Variants in UBE2E2 observed in about 807,000 individuals in gnomAD.
The protein encoded by UBE2E2 is ubiquitin-conjugating enzyme E2 E2.
In UBE2E2, 6 loss-of-function variants were observed where a neutral mutation model predicts 24.7. The observed-to-expected ratio is 0.24, with a 90% confidence interval of 0.13 to 0.48. The LOEUF (loss-of-function observed/expected upper bound fraction) is 0.48, where lower values mean the gene tolerates loss of function less well. Among genes scored for constraint, UBE2E2 ranks in the 20% least tolerant of loss-of-function variants. The pLI is 0.99. For missense variants in UBE2E2, 169 were observed against 245.0 expected (o/e 0.69, Z 2.07); for synonymous variants, 104 against 83.6 (o/e 1.24, Z -1.33).
At chr3:23,266,511 G>T (rs1575517244) in intron 3 of UBE2E2, among the ~76,000 whole-genome samples, 1 of 152,152 alleles carries the variant, frequency 6.6e-6, no homozygotes, top group Admixed American at 6.5e-5. Flanking sequence ...CGAGAGATCA[G>T]CTGTTAGTCT....
chr3:23,476,314 G>A (rs973864261), intron 3 of UBE2E2, among the ~76,000 whole-genome samples: 8 of 152,050 alleles, frequency 5.3e-5, no homozygotes, highest in African/African-American at 1.9e-4. Flanking sequence ...TGTGGGCATA[G>A]GACATTGAAT....
At chr3:23,365,987 A>T (rs529453248) in intron 3 of UBE2E2, among the ~76,000 whole-genome samples, 1 of 152,258 alleles carries the variant, frequency 6.6e-6, no homozygotes, top group East Asian at 1.9e-4. Flanking sequence ...ATCTTTGACA[A>T]AGTCGACAAA....
intron 3 of UBE2E2, among the ~76,000 whole-genome samples, chr3:23,257,974 G>C (rs954813463): frequency 6.6e-6 from 1 of 151,896 alleles, no homozygotes; most frequent in Non-Finnish European, 1.5e-5. Context: ...CCTAGGAGAG[G>C]TGATTATTGG....
chr3:23,391,554 G>C lies in UBE2E2; in HGVS notation c.228-108054G>C, dbSNP rs533089239. Among the ~76,000 whole-genome samples the C allele has an allele frequency of 6.4e-4, 98 of 152,126 alleles. 3 individuals are homozygous for C. In the South Asian group the frequency reaches 0.02, roughly 31 times the overall value. On this transcript the variant is annotated intron_variant, in intron 3 of 5. Transcript: ENST00000396703. ...GAAGTGTTTGCACTATTATGCATTT[G>C]GATTTTTAGTTGACTCATTAAAATA...
intron 2 of UBE2E2, among the ~76,000 whole-genome samples, chr3:23,212,166 G>T (rs11712500): frequency 0.16 from 24,035 of 152,080 alleles, 2,006 homozygotes; most frequent in South Asian, 0.23. Flanking sequence ...TAGAATAGTG[G>T]TATATAATAC....
intron 3 of UBE2E2, among the ~76,000 whole-genome samples, chr3:23,230,116 A>G (rs999173162): frequency 2.0e-5 from 3 of 152,180 alleles, no homozygotes; most frequent in African/African-American, 4.8e-5. Context: ...ATTATATTCT[A>G]AGGACTCTTA....
At chr3:23,476,574 G>A (rs749811469) in intron 3 of UBE2E2, among the ~76,000 whole-genome samples, 11 of 152,000 alleles carry the variant, frequency 7.2e-5, no homozygotes, top group Non-Finnish European at 1.6e-4. Context: ...ATGTGCCTGC[G>A]GTCCCAGCTA....
chr3:23,305,754 G>A (rs974777256), intron 3 of UBE2E2, among the ~76,000 whole-genome samples: 1 of 151,888 alleles, frequency 6.6e-6, no homozygotes, highest in African/African-American at 2.4e-5. Flanking sequence ...TTTACAGACA[G>A]GCTCTCACTC....
intron 3 of UBE2E2, among the ~76,000 whole-genome samples, chr3:23,436,412 TAGTCCTGCGTTCTTC>T (rs2125404683): frequency 6.6e-6 from 1 of 152,314 alleles, no homozygotes; most frequent in Non-Finnish European, 1.5e-5. Flanking sequence ...GGGCATTTCT[TAGTCCTGCGTTCTTC>T]AGAATTCGTA....
At chr3:23,240,872 T>G (rs1254084983) in intron 3 of UBE2E2, among the ~76,000 whole-genome samples, 2 of 152,226 alleles carry the variant, frequency 1.3e-5, no homozygotes, top group Non-Finnish European at 2.9e-5. Context: ...ATGTGCTAAA[T>G]GAAGGTTAAT....
chr3:23,334,570 G>A lies in UBE2E2; in HGVS notation c.227+117258G>A, dbSNP rs889773521. 5.9e-5 allele frequency among the ~76,000 whole-genome samples: 9 copies of A among 152,104 alleles called. No homozygotes were observed. The South Asian group carries it at 6.2e-4, about 11-fold the overall frequency. On this transcript the variant is annotated intron_variant, in intron 3 of 5. Transcript: ENST00000396703. ...GTGAAGAAATTATAACTATAATTTC[G>A]AAGTTTATTTTAAATAATCTAGAAT...
chr3:23,440,888 A>G (rs1222876822), intron 3 of UBE2E2, among the ~76,000 whole-genome samples: 1 of 152,070 alleles, frequency 6.6e-6, no homozygotes, highest in Non-Finnish European at 1.5e-5. Flanking sequence ...ACGGCAATGT[A>G]GCTGTATATT....
At chr3:23,252,355 A>AG (rs1279468126) in intron 3 of UBE2E2, among the ~76,000 whole-genome samples, 1 of 152,192 alleles carries the variant, frequency 6.6e-6, no homozygotes, top group Admixed American at 6.5e-5. Flanking sequence ...AGTGATCTTG[A>AG]GGACTATGAC....
At chr3:23,524,556 A>G (rs777650933) in intron 4 of UBE2E2, among the ~76,000 whole-genome samples, 1 of 152,198 alleles carries the variant, frequency 6.6e-6, no homozygotes, top group Non-Finnish European at 1.5e-5. Flanking sequence ...AAGTCCAGCT[A>G]ACTCCCAAAC....
intron 3 of UBE2E2, among the ~76,000 whole-genome samples, chr3:23,480,325 G>A (rs1414104096): frequency 6.6e-6 from 1 of 152,236 alleles, no homozygotes; most frequent in East Asian, 1.9e-4. Context: ...CCCAGAGCTG[G>A]GAGAGGCCAG....
intron 3 of UBE2E2, among the ~76,000 whole-genome samples, chr3:23,224,759 A>G (rs780149512): frequency 6.6e-6 from 1 of 152,000 alleles, no homozygotes; most frequent in African/African-American, 2.4e-5. Context: ...GGATATTTAT[A>G]TTGTTTCCAC....
At position 23,562,906 on chromosome 3, in the gene UBE2E2, G is replaced by A. The variant is rs142526695; in HGVS notation, c.509-26828G>A. On this transcript the variant is annotated intron_variant, in intron 5 of 5. Transcript: ENST00000396703. ...TGGTAGTTTGTATTTCTGTGGGATC[G>A]GTAGTGATATCCCCTTTATCGTTTT... 2.6e-3 allele frequency among the ~76,000 whole-genome samples: 390 copies of A among 152,150 alleles called. 5 individuals carry two copies. The highest frequency in any genetic ancestry group is 0.015 in the East Asian group (79 of 5,174).
intron 3 of UBE2E2, among the ~76,000 whole-genome samples, chr3:23,298,442 A>C (rs1277146636): frequency 6.6e-6 from 1 of 152,164 alleles, no homozygotes; most frequent in Non-Finnish European, 1.5e-5. Context: ...GATAGCTCTT[A>C]TTATTTTGAG....
intron 3 of UBE2E2, among the ~76,000 whole-genome samples, chr3:23,295,686 G>C (rs1372645028): frequency 6.6e-6 from 1 of 152,190 alleles, no homozygotes; most frequent in Non-Finnish European, 1.5e-5. Flanking sequence ...CAGTATTCCG[G>C]TTGGAACAGG....
Sources: allele counts gnomAD v4.1 joint callset (sites outside exome capture counted in the v4.1 genomes callset), GRCh38; gene constraint gnomAD v4.1.1; transcripts MANE v1.5; gene names NCBI Gene and HGNC (gene_info 2026-07-23, HGNC 2026-07-21).